The following POLR3B variants were observed in gnomAD, a reference collection of about 807,000 sequenced individuals.
The protein encoded by POLR3B is RNA polymerase III subunit B, also known as DNA-directed RNA polymerase III subunit RPC2.
A neutral mutation model predicts 147.4 loss-of-function variants in POLR3B; 96 were observed. The observed-to-expected ratio is 0.65, with a 90% CI of 0.55 to 0.77. The LOEUF (loss-of-function observed/expected upper bound fraction) is 0.77. Ranked by LOEUF, POLR3B falls within the 30% of genes least tolerant of loss-of-function variation. POLR3B has a pLI of 0.00. For missense variants in POLR3B, 1,036 were observed against 1,413.5 expected, an observed-to-expected ratio of 0.73 and a Z score of 4.28; for synonymous variants, 461 against 485.9, an observed-to-expected ratio of 0.95 and a Z score of 0.67.
At position 106,405,858 on chromosome 12, in the gene POLR3B, C is replaced by T; in HGVS notation, c.848C>T (p.Ala283Val). Residue 283 changes from alanine (A) to valine (V), a missense_variant and splice_region_variant, in exon 11 of 28, where the codon GCA (alanine) becomes GTA (valine). Transcript: ENST00000228347. ...QKAQIFTQMQ[A>V]LKYIGNKVRR... Reference sequence around the variant, plus strand: ...ATTATTGTAATCTGTTTTTTATAGGCATTAAAATATATAGGGAACAAAGTA... The same window carrying T: ...ATTATTGTAATCTGTTTTTTATAGGTATTAAAATATATAGGGAACAAAGTA... 10 of 1,612,596 alleles carry T rather than the reference C, an allele frequency of 6.2e-6. No homozygotes were observed. Among genetic ancestry groups the T allele is most frequent in the Non-Finnish European group, 8.5e-6 (10 of 1,178,790 alleles).
At chr12:106,454,910 A>G (rs1164758621) in intron 20 of POLR3B, among the ~76,000 whole-genome samples, 199 bp downstream of exon 20, 5 of 152,166 alleles carry the variant, frequency 3.3e-5, no homozygotes, top group Admixed American at 2.0e-4. Context: ...TTTGTTAAAC[A>G]TACTACTACA....
chr12:106,385,441 A>G (rs1397698457), intron 9 of POLR3B, among the ~76,000 whole-genome samples: 6 of 152,262 alleles, frequency 3.9e-5, no homozygotes, highest in Non-Finnish European at 2.9e-5. Context: ...CAGTTTCAAT[A>G]GTTATGATAG....
At chr12:106,481,538 T>C (rs1382782133) in intron 23 of POLR3B, among the ~76,000 whole-genome samples, 1 of 152,236 alleles carries the variant, frequency 6.6e-6, no homozygotes, top group African/African-American at 2.4e-5. Context: ...CCATGTCAGC[T>C]CACCTCTTCA....
chr12:106,436,695 T>A lies in POLR3B; in HGVS notation c.1782-362T>A, dbSNP rs193026904. ...TAGATTGATACATTACACCGTTTTTTAAAATATGGCATTAAAGGTTTTGTT... is the reference window on the plus strand; with the variant it reads ...TAGATTGATACATTACACCGTTTTTAAAAATATGGCATTAAAGGTTTTGTT... On this transcript the variant is annotated intron_variant, in intron 16 of 27. Transcript: ENST00000228347. Among the ~76,000 whole-genome samples the A allele has an allele frequency of 2.8e-3, 432 of 152,344 alleles. 4 individuals carry two copies. Among genetic ancestry groups the A allele is most frequent in the African/African-American group, 9.8e-3 (406 of 41,592 alleles).
At chr12:106,454,732 A>G (rs2037843467) in intron 20 of POLR3B, 21 bp downstream of exon 20, 1 of 1,396,490 alleles carries the variant, frequency 7.2e-7, no homozygotes, top group Non-Finnish European at 1.0e-6. Context: ...TTTCAAAACT[A>G]ACACCAAAGT....
chr12:106,409,824 A>G (rs74969948), intron 11 of POLR3B, among the ~76,000 whole-genome samples: 1 of 151,870 alleles, frequency 6.6e-6, no homozygotes, highest in Non-Finnish European at 1.5e-5. Flanking sequence ...GCCTATAAAT[A>G]CTCCTTGGAA....
intron 13 of POLR3B, among the ~76,000 whole-genome samples, chr12:106,429,156 T>C (rs1476649918): frequency 6.6e-6 from 1 of 152,192 alleles, no homozygotes; most frequent in African/African-American, 2.4e-5. Flanking sequence ...TATTGTCTGC[T>C]TTGCTCTTTT....
intron 9 of POLR3B, among the ~76,000 whole-genome samples, chr12:106,387,655 C>A (rs981819818): frequency 6.6e-6 from 1 of 152,028 alleles, no homozygotes; most frequent in African/African-American, 2.4e-5. Flanking sequence ...GTTTGATAAC[C>A]ACTATTTAGA....
chr12:106,449,178 G>A (rs1425754947), intron 19 of POLR3B, among the ~76,000 whole-genome samples: 4 of 152,100 alleles, frequency 2.6e-5, no homozygotes, highest in South Asian at 2.1e-4. Context: ...CACTTTATAC[G>A]CATAGCCTAA....
intron 23 of POLR3B, among the ~76,000 whole-genome samples, chr12:106,469,431 G>A (rs1297502095): frequency 6.6e-6 from 1 of 151,764 alleles, no homozygotes; most frequent in Non-Finnish European, 1.5e-5. Context: ...TTTTAATTGG[G>A]GCATTTAGCC....
intron 23 of POLR3B, among the ~76,000 whole-genome samples, chr12:106,472,390 G>A (rs1248549820): frequency 4.6e-5 from 7 of 150,636 alleles, no homozygotes; most frequent in Admixed American, 4.6e-4. Flanking sequence ...TAATGGGATG[G>A]CTGGGTCAAA....
intron 23 of POLR3B, among the ~76,000 whole-genome samples, chr12:106,467,114 C>T (rs1374877207): frequency 2.6e-5 from 4 of 151,912 alleles, no homozygotes; most frequent in African/African-American, 7.3e-5. Context: ...TGTTTGTGTC[C>T]CCTCTTATTT....
chr12:106,412,526 C>A (rs1377625929), intron 12 of POLR3B, among the ~76,000 whole-genome samples: 1 of 152,202 alleles, frequency 6.6e-6, no homozygotes, highest in African/African-American at 2.4e-5. Context: ...AGGAAACTCA[C>A]TCAGAACCAT....
intron 9 of POLR3B, among the ~76,000 whole-genome samples, chr12:106,386,906 CAA>C (rs11320428): frequency 3.4e-5 from 5 of 145,122 alleles, no homozygotes; most frequent in Admixed American, 6.9e-5. Context: ...GACTCTGTCT[CAA>C]AAAAAAAAAG....
chr12:106,492,830 C>T (rs1350262242), intron 23 of POLR3B, among the ~76,000 whole-genome samples: 2 of 152,100 alleles, frequency 1.3e-5, no homozygotes, highest in African/African-American at 2.4e-5. Flanking sequence ...AATATTTTGT[C>T]GATTGGGGTA....
chr12:106,406,811 A>C (rs2037157978), intron 11 of POLR3B, among the ~76,000 whole-genome samples: 1 of 152,084 alleles, frequency 6.6e-6, no homozygotes, highest in Non-Finnish European at 1.5e-5. Flanking sequence ...TGTATATGCT[A>C]CTCTTACTAA....
Position 106,430,441 on chromosome 12 carries a change from A to T in POLR3B, c.1432A>T (p.Met478Leu). The change falls in exon 14 of 28, where the codon ATG (methionine) becomes TTG (leucine). Residue 478 changes from methionine to leucine, a missense_variant. By Grantham distance (15) the Met-to-Leu change is conservative (BLOSUM62 2). Coordinates refer to ENST00000228347, the MANE Select transcript of POLR3B (RefSeq NM_018082.6). Reference sequence around the variant, plus strand: ...CTCCCTCCAGCCATCTCAGTGGGGAATGCTGTGTCCTTCGGACACTCCTGA... The same window carrying T: ...CTCCCTCCAGCCATCTCAGTGGGGATTGCTGTGTCCTTCGGACACTCCTGA... ...PRSLQPSQWG[M>L]LCPSDTPEGE... 6 of 1,613,350 alleles carry T rather than the reference A, an allele frequency of 3.7e-6. No individual in the cohort carries two copies. The South Asian group carries it at 6.6e-5, about 18-fold the overall frequency.
chr12:106,487,498 A>G (rs1385661321), intron 23 of POLR3B, among the ~76,000 whole-genome samples: 2 of 152,166 alleles, frequency 1.3e-5, no homozygotes, highest in Admixed American at 6.5e-5. Flanking sequence ...CATTAAATGT[A>G]TTGTTCTGGG....
intron 11 of POLR3B, among the ~76,000 whole-genome samples, chr12:106,408,486 G>A (rs1394591428): frequency 2.6e-5 from 4 of 152,096 alleles, no homozygotes; most frequent in South Asian, 2.1e-4. Context: ...GGTGGGTCCC[G>A]GTAATCTGTG....
Sources: allele counts gnomAD v4.1 joint callset (sites outside exome capture counted in the v4.1 genomes callset), GRCh38; gene constraint gnomAD v4.1.1; transcripts MANE v1.5; gene names NCBI Gene and HGNC (gene_info 2026-07-23, HGNC 2026-07-21).